Variants in GRM1 observed in about 807,000 individuals in gnomAD.
GRM1 encodes metabotropic glutamate receptor 1.
In GRM1, 33 loss-of-function variants were observed where a neutral mutation model predicts 90.9. The observed-to-expected ratio is 0.36, with a 90% CI of 0.28 to 0.49. The LOEUF (loss-of-function observed/expected upper bound fraction) is 0.49. GRM1 is among the 20% of genes least tolerant of loss of function. The pLI is 0.99. For missense variants in GRM1, 1,190 were observed against 1,534.3 expected, an observed-to-expected ratio of 0.78 and a Z score of 3.75; for synonymous variants, 700 against 613.2, an observed-to-expected ratio of 1.14 and a Z score of -2.09.
chr6:146,033,128 A>T (rs866743544), intron 1 of GRM1, among the ~76,000 whole-genome samples: 40 of 152,282 alleles, frequency 2.6e-4, no homozygotes, highest in Middle Eastern at 6.8e-3. Context: ...ACTCTCCAGA[A>T]ATTGTTCATG....
chr6:146,176,213 A>G (rs563274455), intron 2 of GRM1, among the ~76,000 whole-genome samples: 1 of 152,182 alleles, frequency 6.6e-6, no homozygotes, highest in East Asian at 1.9e-4. Flanking sequence ...ATTCAACAAT[A>G]AAATAGATTT....
intron 2 of GRM1, among the ~76,000 whole-genome samples, chr6:146,176,919 G>C (rs1193010590): frequency 6.6e-6 from 1 of 151,962 alleles, no homozygotes; most frequent in African/African-American, 2.4e-5. Context: ...TTTCTCTAAA[G>C]TGATACCAAT....
chr6:146,205,946 C>T (rs897952355), intron 2 of GRM1, among the ~76,000 whole-genome samples: 7 of 152,192 alleles, frequency 4.6e-5, no homozygotes, highest in South Asian at 2.1e-4. Flanking sequence ...CAGAGGTCCA[C>T]TAGCAGGCAG....
At chr6:146,311,656 A>G (rs1783773457) in intron 3 of GRM1, among the ~76,000 whole-genome samples, 1 of 152,236 alleles carries the variant, frequency 6.6e-6, no homozygotes, top group Non-Finnish European at 1.5e-5. Flanking sequence ...CACTAGCCAC[A>G]GTTCATGTAT....
At chr6:146,214,919 G>A (rs1437872135) in intron 2 of GRM1, among the ~76,000 whole-genome samples, 1 of 152,092 alleles carries the variant, frequency 6.6e-6, no homozygotes, top group Non-Finnish European at 1.5e-5. Context: ...AGGACTAGAT[G>A]GGCTTTAACG....
intron 2 of GRM1, among the ~76,000 whole-genome samples, chr6:146,210,576 G>A (rs1258606687): frequency 1.3e-5 from 2 of 152,066 alleles, no homozygotes; most frequent in African/African-American, 4.8e-5. Flanking sequence ...GGTGTTGCAG[G>A]AACAGGGATA....
intron 7 of GRM1, among the ~76,000 whole-genome samples, chr6:146,426,234 T>C (rs182126935): frequency 6.6e-6 from 1 of 151,978 alleles, no homozygotes; most frequent in Admixed American, 6.6e-5. Flanking sequence ...TCAGTGTAAG[T>C]AGAGATGAAG....
chr6:146,262,835 T>A (rs1781751073), intron 2 of GRM1, among the ~76,000 whole-genome samples: 1 of 151,688 alleles, frequency 6.6e-6, no homozygotes, highest in African/African-American at 2.4e-5. Context: ...CAAATTTAAA[T>A]GTATACATAT....
intron 1 of GRM1, among the ~76,000 whole-genome samples, chr6:146,058,233 G>A (rs1775547675): frequency 6.6e-6 from 1 of 151,972 alleles, no homozygotes; most frequent in Non-Finnish European, 1.5e-5. Context: ...ATTTAGAGTG[G>A]TGGCATGATA....
At chr6:146,042,029 A>G (rs775174339) in intron 1 of GRM1, among the ~76,000 whole-genome samples, 1 of 151,950 alleles carries the variant, frequency 6.6e-6, no homozygotes, top group Admixed American at 6.6e-5. Flanking sequence ...GGTGGAAGGA[A>G]CAAAAGGGCA....
intron 1 of GRM1, among the ~76,000 whole-genome samples, chr6:146,131,065 T>A (rs1583045993): frequency 6.6e-6 from 1 of 152,170 alleles, no homozygotes; most frequent in African/African-American, 2.4e-5. Context: ...AGTTACTCCA[T>A]AATAACTATT....
chr6:146,328,272 T>C (rs1583332254), intron 3 of GRM1, among the ~76,000 whole-genome samples: 2 of 152,094 alleles, frequency 1.3e-5, no homozygotes, highest in African/African-American at 4.8e-5. Context: ...ATAAAAGTGA[T>C]ACCCACTACG....
chr6:146,271,147 G>C (rs1782146866), intron 2 of GRM1, among the ~76,000 whole-genome samples: 1 of 151,666 alleles, frequency 6.6e-6, no homozygotes, highest in Admixed American at 6.6e-5. Flanking sequence ...TGTGATTACT[G>C]GCACATGCCA....
chr6:146,085,989 G>A (rs541602157), intron 1 of GRM1, among the ~76,000 whole-genome samples: 3 of 152,204 alleles, frequency 2.0e-5, no homozygotes, highest in South Asian at 4.1e-4. Flanking sequence ...TCTATGTGAC[G>A]GGGATATAGA....
At chr6:146,347,771 A>G (rs1039777497) in intron 3 of GRM1, among the ~76,000 whole-genome samples, 1 of 152,184 alleles carries the variant, frequency 6.6e-6, no homozygotes, top group African/African-American at 2.4e-5. Flanking sequence ...AGATTTCTGC[A>G]CTTTACTATA....
intron 2 of GRM1, among the ~76,000 whole-genome samples, chr6:146,189,628 G>T (rs947405112): frequency 2.6e-5 from 4 of 152,086 alleles, no homozygotes; most frequent in African/African-American, 9.7e-5. Context: ...AAAACCTTCA[G>T]TACAAGTGAA....
chr6:146,352,794 G>A (rs1397246159), intron 4 of GRM1, among the ~76,000 whole-genome samples: 4 of 152,102 alleles, frequency 2.6e-5, no homozygotes, highest in Non-Finnish European at 2.9e-5. Context: ...GCAAGCCCAG[G>A]AACCTAAAGA....
Position 146,186,984 on chromosome 6 carries a change from T to C in GRM1, c.950+27387T>C, listed in dbSNP as rs143783540. 3.9e-5 allele frequency among the ~76,000 whole-genome samples: 6 copies of C among 152,294 alleles called. No individual in the cohort carries two copies. In the South Asian group the frequency reaches 6.2e-4, roughly 16 times the overall value. ...AACAAATGTCAGTTATATTTACCTT[T>C]TATTGGTCAAAGAAAGTCACATGGC... is the stretch of plus-strand genomic sequence containing the variant. On this transcript the variant is annotated intron_variant, in intron 2 of 7. Coordinates refer to ENST00000282753, the MANE Select transcript of GRM1 (RefSeq NM_001278064.2).
intron 1 of GRM1, among the ~76,000 whole-genome samples, chr6:146,106,398 G>T (rs1775299540): frequency 6.6e-6 from 1 of 152,166 alleles, no homozygotes; most frequent in Non-Finnish European, 1.5e-5. Context: ...AGTAGGAAAT[G>T]AATTCTTGGC....
Sources: allele counts gnomAD v4.1 joint callset (sites outside exome capture counted in the v4.1 genomes callset), GRCh38; gene constraint gnomAD v4.1.1; transcripts MANE v1.5; gene names NCBI Gene and HGNC (gene_info 2026-07-23, HGNC 2026-07-21).